Variants in SOD2 observed in about 807,000 individuals in gnomAD.
The protein encoded by SOD2 is superoxide dismutase [Mn], mitochondrial.
SOD2 carries 11 observed loss-of-function variants against 27.0 expected under a neutral mutation model. The observed-to-expected ratio is 0.41, with a 90% confidence interval of 0.26 to 0.67. SOD2 has a LOEUF of 0.67. Ranked by LOEUF, SOD2 falls within the 30% of genes least tolerant of loss-of-function variation. SOD2 has a pLI of 0.34. For synonymous variants in SOD2, 105 were observed against 103.0 expected (o/e 1.02, Z -0.12); for missense variants, 250 against 274.5 (o/e 0.91, Z 0.63).
At chr6:159,729,468 C>T (rs1324855187), upstream of SOD2, among the ~76,000 whole-genome samples, 4 of 152,138 alleles carry the variant, frequency 2.6e-5, no homozygotes, top group Admixed American at 2.6e-4. Context: ...AAATATATTG[C>T]TGTAAATATT....
At chr6:159,738,008 G>A (rs993521622) in intron 1 of SOD2, among the ~76,000 whole-genome samples, 2 of 152,176 alleles carry the variant, frequency 1.3e-5, no homozygotes, top group Non-Finnish European at 2.9e-5. Context: ...AACACCTTGC[G>A]TGACTAGCAG....
chr6:159,680,098 C>G lies in SOD2; in HGVS notation c.*2395G>C, dbSNP rs1044194379. On this transcript the variant is annotated 3_prime_UTR_variant, in exon 5 of 5. Transcript: ENST00000538183. ...AAGCCAAAGCAAAAATAGAGCCCCA[C>G]AGAAATTTCAACATTGAACATTTTT... is the stretch of plus-strand genomic sequence containing the variant. 3 of 152,214 alleles carry G rather than the reference C, an allele frequency of 2.0e-5. No homozygotes were observed. The highest frequency in any genetic ancestry group is 4.8e-5 in the African/African-American group (2 of 41,462). 9.4% of individuals were successfully genotyped at this position (152,214 alleles called of 1,614,324 possible).
At chr6:159,761,668 A>AG (rs1207141566) in exon 1 of SOD2, 1 of 426,902 alleles carries the variant, frequency 2.3e-6, no homozygotes, top group Non-Finnish European at 4.6e-6. Context: ...GTCACCCCCC[A>AG]GTCTTTACTG....
At chr6:159,728,733 G>A (rs1414231641), upstream of SOD2, among the ~76,000 whole-genome samples, 1 of 152,228 alleles carries the variant, frequency 6.6e-6, no homozygotes, top group Non-Finnish European at 1.5e-5. Flanking sequence ...CCAAGTCGGG[G>A]AAAGATTGCA....
intron 1 of SOD2, among the ~76,000 whole-genome samples, chr6:159,714,568 G>GCGGTACTCTTTCCCA (rs1777891983): frequency 6.6e-6 from 1 of 152,166 alleles, no homozygotes; most frequent in Non-Finnish European, 1.5e-5. Flanking sequence ...TCATCGCCAG[G>GCGGTACTCTTTCCCA]CGGTACTCTT....
chr6:159,707,240 C>T (rs964909855), intron 1 of SOD2, among the ~76,000 whole-genome samples: 2 of 152,118 alleles, frequency 1.3e-5, no homozygotes, highest in African/African-American at 4.8e-5. Flanking sequence ...TATTCAAAAA[C>T]TAGCAGAAGG....
At chr6:159,761,468 C>T (rs534284224) in exon 1 of SOD2, 2 of 452,586 alleles carry the variant, frequency 4.4e-6, no homozygotes, top group Admixed American at 4.8e-5. Flanking sequence ...GGGCTCGCAC[C>T]GAGACGCTCC....
intron 1 of SOD2, among the ~76,000 whole-genome samples, chr6:159,707,064 A>C (rs1171930605): frequency 6.6e-6 from 1 of 151,818 alleles, no homozygotes; most frequent in African/African-American, 2.4e-5. Context: ...TGTTCTTTGA[A>C]ACCAACGAGA....
chr6:159,757,793 T>C (rs1450627356), intron 1 of SOD2, among the ~76,000 whole-genome samples: 2 of 152,196 alleles, frequency 1.3e-5, no homozygotes, highest in Admixed American at 1.3e-4. Context: ...AACATTTTGG[T>C]GTTTGATATA....
intron 1 of SOD2, among the ~76,000 whole-genome samples, chr6:159,707,839 C>G (rs867006674): frequency 6.6e-6 from 1 of 152,160 alleles, no homozygotes; most frequent in Non-Finnish European, 1.5e-5. Flanking sequence ...AGACCAATAT[C>G]CCTGATGAAC....
upstream of SOD2, chr6:159,749,049 G>T (rs1486563078): frequency 2.5e-5 from 25 of 991,952 alleles, no homozygotes; most frequent in Non-Finnish European, 2.9e-5. Context: ...TTTAGTTTGG[G>T]GCTCTATATT....
chr6:159,677,559 AAAG>A lies in SOD2; in HGVS notation c.*4931_*4933del, dbSNP rs1779806090. On this transcript the variant is annotated 3_prime_UTR_variant, in exon 5 of 5. Coordinates refer to ENST00000538183, the MANE Select transcript of SOD2 (RefSeq NM_000636.4). Reference sequence around the variant, plus strand: ...AACTTTATGTAAAATACATCTTGTAAAAGTATGATTACTTTATTTTTCAGAGTT... The same window carrying A: ...AACTTTATGTAAAATACATCTTGTAATATGATTACTTTATTTTTCAGAGTT... The A allele has an allele frequency of 6.6e-6, 1 of 152,216 alleles. No individual in the cohort carries two copies. Among genetic ancestry groups the A allele is most frequent in the Non-Finnish European group, 1.5e-5 (1 of 68,040 alleles). The allele number at this position is 152,216 out of a possible 1,614,324, so 9.4% of individuals were successfully genotyped here. A position where few individuals can be genotyped will look rare whatever the true frequency, so the allele number is the denominator to read the frequency against.
chr6:159,759,177 A>G (rs1287177404), intron 1 of SOD2, among the ~76,000 whole-genome samples: 1 of 150,244 alleles, frequency 6.7e-6, no homozygotes, highest in Admixed American at 6.6e-5. Flanking sequence ...CTCCTGCCTC[A>G]GCCTCCCTAG....
At chr6:159,750,235 AG>A (rs1314708858) in intron 1 of SOD2, among the ~76,000 whole-genome samples, 1 of 152,204 alleles carries the variant, frequency 6.6e-6, no homozygotes, top group Non-Finnish European at 1.5e-5. Flanking sequence ...AAATGGCCTA[AG>A]TATCTTTTTA....
intron 1 of SOD2, chr6:159,753,456 G>T: frequency 6.2e-7 from 1 of 1,614,128 alleles, no homozygotes; most frequent in Non-Finnish European, 8.5e-7. Flanking sequence ...TCTTTCCTTT[G>T]CAGCCAAACA....
chr6:159,734,938 T>C (rs1192912142), intron 1 of SOD2, among the ~76,000 whole-genome samples: 1 of 152,196 alleles, frequency 6.6e-6, no homozygotes, highest in Non-Finnish European at 1.5e-5. Context: ...TGTAGTTTAA[T>C]GAATAATACC....
intron 1 of SOD2, among the ~76,000 whole-genome samples, chr6:159,705,279 T>C (rs181378319): frequency 6.6e-6 from 1 of 152,298 alleles, no homozygotes; most frequent in African/African-American, 2.4e-5. Flanking sequence ...GAGAATGACT[T>C]TGACGAGTTG....
chr6:159,753,391 T>C, intron 1 of SOD2: 1 of 1,604,012 alleles, frequency 6.2e-7, no homozygotes, highest in Admixed American at 1.7e-5. Context: ...CATCTATCAC[T>C]GTAATAATTG....
At chr6:159,734,012 C>T (rs1778751951) in intron 1 of SOD2, among the ~76,000 whole-genome samples, 1 of 152,170 alleles carries the variant, frequency 6.6e-6, no homozygotes, top group African/African-American at 2.4e-5. Flanking sequence ...ACACAATTTA[C>T]TTAATCTGAA....
Sources: allele counts gnomAD v4.1 joint callset (sites outside exome capture counted in the v4.1 genomes callset), GRCh38; gene constraint gnomAD v4.1.1; transcripts MANE v1.5; gene names NCBI Gene and HGNC (gene_info 2026-07-23, HGNC 2026-07-21).